Variants in SLC39A11 observed in about 807,000 individuals in gnomAD.
SLC39A11 encodes solute carrier family 39 member 11, also known as zinc transporter ZIP11.
A neutral mutation model predicts 36.1 loss-of-function variants in SLC39A11; 33 were observed. That is an observed-to-expected ratio of 0.91 (90% CI 0.69 to 1.22). The LOEUF (loss-of-function observed/expected upper bound fraction) is 1.22. Among genes scored for constraint, SLC39A11 ranks in the 50% most tolerant of loss-of-function variants. SLC39A11 has a pLI of 0.00. For synonymous variants in SLC39A11, 166 were observed against 170.3 expected (o/e 0.97, Z 0.20); for missense variants, 432 against 430.3 (o/e 1.00, Z -0.03).
At chr17:72,937,066 A>G (rs564488585) in intron 5 of SLC39A11, among the ~76,000 whole-genome samples, 1 of 152,308 alleles carries the variant, frequency 6.6e-6, no homozygotes, top group South Asian at 2.1e-4. Flanking sequence ...GTGGGCTCTG[A>G]GGGCTGCCTT....
intron 4 of SLC39A11, among the ~76,000 whole-genome samples, chr17:72,979,473 T>A (rs2088127578): frequency 6.6e-6 from 1 of 152,098 alleles, no homozygotes; most frequent in Non-Finnish European, 1.5e-5. Context: ...TTCACCTGTC[T>A]TGAGAAGCAG....
intron 5 of SLC39A11, among the ~76,000 whole-genome samples, chr17:72,910,645 G>T (rs1387519566): frequency 5.7e-5 from 4 of 70,122 alleles, no homozygotes; most frequent in Admixed American, 1.5e-4. Flanking sequence ...AAAAAAAAAA[G>T]GCTGGGCACA....
At chr17:72,816,406 C>T (rs1022738259) in intron 6 of SLC39A11, among the ~76,000 whole-genome samples, 1 of 151,628 alleles carries the variant, frequency 6.6e-6, no homozygotes, top group East Asian at 1.9e-4. Flanking sequence ...AAAAAAAAAA[C>T]ATAGCCAGGC....
chr17:72,898,125 G>T (rs545987721), intron 5 of SLC39A11, among the ~76,000 whole-genome samples: 2 of 152,314 alleles, frequency 1.3e-5, no homozygotes, highest in African/African-American at 4.8e-5. Context: ...GCACCAAAAA[G>T]TGTCTGGTGC....
At chr17:72,649,116 A>G in intron 8 of SLC39A11, 54 bp downstream of exon 8, 2 of 1,578,604 alleles carry the variant, frequency 1.3e-6, no homozygotes, top group Non-Finnish European at 8.7e-7. Context: ...TTTTGTTGAA[A>G]GAAGCCCACA....
intron 5 of SLC39A11, among the ~76,000 whole-genome samples, chr17:72,883,242 C>T (rs964529642): frequency 3.3e-5 from 5 of 152,154 alleles, no homozygotes; most frequent in African/African-American, 1.2e-4. Context: ...CAGAGCAGGC[C>T]TCCTACTGTT....
chr17:72,909,870 C>G (rs549945404), intron 5 of SLC39A11, among the ~76,000 whole-genome samples: 1 of 151,706 alleles, frequency 6.6e-6, no homozygotes, highest in Non-Finnish European at 1.5e-5. Context: ...TTCAGCCTCC[C>G]GAGTAGCTGG....
rs1222507489 is a variant in SLC39A11 at position 72,648,852 on chromosome 17, C to T, written c.880G>A (p.Ala294Thr). The change falls in exon 9 of 10, where the codon GCC (alanine) becomes ACC (threonine). Residue 294 changes from alanine to threonine, a missense_variant. Coordinates refer to ENST00000255559, the MANE Select transcript of SLC39A11 (RefSeq NM_139177.4). ...TCGTCCATGACCACGTAGACCATGG[C>T]ACCGGCAGCAAAGGCCAGAGCGTAG... The part of the protein sequence containing the change: ...LPYALAFAAG[A>T]MVYVVMDDII... The T allele has an allele frequency of 6.2e-7, 1 of 1,614,204 alleles. No homozygotes were observed. The highest frequency in any genetic ancestry group is 1.1e-5 in the South Asian group (1 of 91,078).
intron 5 of SLC39A11, among the ~76,000 whole-genome samples, chr17:72,944,081 C>T (rs1036442372): frequency 2.2e-4 from 33 of 152,122 alleles, no homozygotes; most frequent in Non-Finnish European, 4.9e-4. Context: ...TTGCAAGATC[C>T]AATCAGATCA....
chr17:72,672,678 C>T (rs140972435), intron 7 of SLC39A11, among the ~76,000 whole-genome samples: 63 of 152,292 alleles, frequency 4.1e-4, no homozygotes, highest in African/African-American at 1.3e-3. Flanking sequence ...TGGCTCACTG[C>T]TGCCTCAAAC....
rs2084678567 is a variant in SLC39A11 at position 72,935,362 on chromosome 17, CAAA to C, written c.430+12387_430+12389del. Among the ~76,000 whole-genome samples, 3 of 152,100 alleles carry C rather than the reference CAAA, an allele frequency of 2.0e-5. No individual in the cohort carries two copies. In the South Asian group the frequency reaches 6.2e-4, roughly 32 times the overall value. On this transcript the variant is annotated intron_variant, in intron 5 of 9. Coordinates refer to ENST00000255559, the MANE Select transcript of SLC39A11 (RefSeq NM_139177.4). ...AGCTCAGAGGTCACCAGAGGTTAAA[CAAA>C]AGGGAAACAGGGATAGGTTGAGGGT... is the stretch of plus-strand genomic sequence containing the variant.
intron 5 of SLC39A11, among the ~76,000 whole-genome samples, chr17:72,901,267 T>C (rs1221181003): frequency 1.3e-5 from 2 of 152,212 alleles, no homozygotes; most frequent in Admixed American, 1.3e-4. Flanking sequence ...AAAAGGGCTT[T>C]GCTCATTGAC....
intron 6 of SLC39A11, among the ~76,000 whole-genome samples, chr17:72,811,766 T>C (rs966480621): frequency 2.0e-5 from 3 of 152,230 alleles, no homozygotes; most frequent in African/African-American, 7.2e-5. Context: ...AAATATTCTC[T>C]TTCCTCCCTT....
chr17:72,953,077 C>T (rs1202736906), intron 4 of SLC39A11, among the ~76,000 whole-genome samples: 2 of 152,298 alleles, frequency 1.3e-5, no homozygotes, highest in African/African-American at 4.8e-5. Context: ...CATCCCCACC[C>T]ACTCCAAACC....
At chr17:72,978,279 C>T (rs2088015547) in intron 4 of SLC39A11, among the ~76,000 whole-genome samples, 1 of 152,092 alleles carries the variant, frequency 6.6e-6, no homozygotes, top group Non-Finnish European at 1.5e-5. Flanking sequence ...AGATATTTAC[C>T]GAGCATTGTT....
intron 5 of SLC39A11, among the ~76,000 whole-genome samples, chr17:72,850,007 T>A (rs1042822085): frequency 4.7e-5 from 7 of 149,884 alleles, no homozygotes; most frequent in Middle Eastern, 3.4e-3. Flanking sequence ...CATCCTCCCA[T>A]CTCAGCCTCC....
chr17:72,954,629 G>C (rs1234567349), intron 4 of SLC39A11, among the ~76,000 whole-genome samples: 1 of 152,218 alleles, frequency 6.6e-6, no homozygotes, highest in East Asian at 1.9e-4. Context: ...TTATTACTGA[G>C]AAGTTGCCAT....
At chr17:72,800,724 G>A (rs1245433983) in intron 6 of SLC39A11, among the ~76,000 whole-genome samples, 1 of 152,124 alleles carries the variant, frequency 6.6e-6, no homozygotes, top group African/African-American at 2.4e-5. Flanking sequence ...GGTAAACTAA[G>A]GAGAGAGGCA....
intron 3 of SLC39A11, among the ~76,000 whole-genome samples, chr17:73,062,897 A>G (rs2059890571): frequency 3.3e-5 from 5 of 152,184 alleles, no homozygotes; most frequent in African/African-American, 9.7e-5. Context: ...CTGATCTGAC[A>G]GGAGGAGTTC....
Sources: allele counts gnomAD v4.1 joint callset (sites outside exome capture counted in the v4.1 genomes callset), GRCh38; gene constraint gnomAD v4.1.1; transcripts MANE v1.5; gene names NCBI Gene and HGNC (gene_info 2026-07-23, HGNC 2026-07-21).